NEMP2: variants seen among roughly 807,000 people sequenced by gnomAD.
NEMP2 encodes UPF0571 transmembrane protein.
Under a neutral mutation model 54.2 loss-of-function variants are expected in NEMP2, and 53 were observed. That is an observed-to-expected ratio of 0.98 (90% CI 0.78 to 1.23). NEMP2 has a LOEUF of 1.23. Ranked by LOEUF, NEMP2 falls within the 50% of genes most tolerant of loss-of-function variation. The pLI is 0.00. For synonymous variants in NEMP2, 197 were observed against 190.3 expected, an observed-to-expected ratio of 1.04 and a Z score of -0.29; for missense variants, 455 against 511.3, an observed-to-expected ratio of 0.89 and a Z score of 1.06.
the NEMP2 span, among the ~76,000 whole-genome samples, chr2:190,483,429 T>A: frequency 6.6e-6 from 1 of 152,232 alleles, no homozygotes; most frequent in South Asian, 2.1e-4. Flanking sequence ...TGCCTTGGTT[T>A]CCTTTTTGGA....
At position 190,534,664 on chromosome 2, in the gene NEMP2, G is replaced by A. The variant is rs1327709543; in HGVS notation, c.-9C>T. ...CCTTGGCGCGGCCCCATTTCGTTAGGGGTCAGCTCCGTGCGACCCGAGCCC... is the reference window on the plus strand; with the variant it reads ...CCTTGGCGCGGCCCCATTTCGTTAGAGGTCAGCTCCGTGCGACCCGAGCCC... On this transcript the variant is annotated 5_prime_UTR_variant, in exon 1 of 9. Coordinates refer to ENST00000409150, the MANE Select transcript of NEMP2 (RefSeq NM_001142645.2). The A allele has an allele frequency of 6.3e-6, 8 of 1,273,380 alleles. No homozygotes were observed. The highest frequency in any genetic ancestry group is 6.9e-6 in the Non-Finnish European group (7 of 1,010,220). The allele number at this position is 1,273,380 out of a possible 1,614,324, so 78.9% of individuals were successfully genotyped here.
At chr2:190,463,844 A>C in the NEMP2 span, 1 of 972,880 alleles carries the variant, frequency 1.0e-6, no homozygotes, top group Non-Finnish European at 1.2e-6. The surrounding 1 kb of genome is among the most constrained non-coding windows in gnomAD (Gnocchi z 4.4). Flanking sequence ...AAATAAAATA[A>C]AAATAAAAAG....
the NEMP2 span, among the ~76,000 whole-genome samples, chr2:190,546,898 G>A: frequency 0.011 from 1,717 of 152,312 alleles, 37 homozygotes; most frequent in African/African-American, 0.038. The surrounding 1 kb of genome is among the most constrained non-coding windows in gnomAD (Gnocchi z 5.1). Flanking sequence ...GACCCAGGCT[G>A]TTTTCAGCTT....
chr2:190,460,672 G>A, the NEMP2 span, among the ~76,000 whole-genome samples: 94 of 152,306 alleles, frequency 6.2e-4, no homozygotes, highest in South Asian at 1.2e-3. Flanking sequence ...TGTGAGGAGA[G>A]GCACGTGATG....
chr2:190,516,163 A>G (rs771468139), intron 6 of NEMP2, 107 bp downstream of exon 6: 4 of 740,336 alleles, frequency 5.4e-6, no homozygotes, highest in Non-Finnish European at 8.6e-6. Flanking sequence ...TCGTTAGTTC[A>G]AAATGAAAAT....
the NEMP2 span, chr2:190,437,355 C>T: frequency 6.2e-7 from 1 of 1,614,254 alleles, no homozygotes; most frequent in Non-Finnish European, 8.5e-7. This position sits in a 1 kb window ranked among gnomAD's most constrained non-coding sequence, Gnocchi z 5.9. Context: ...TCAAGCTGCT[C>T]TGCAGCGTGC....
At chr2:190,493,500 T>C in the NEMP2 span, among the ~76,000 whole-genome samples, 1 of 152,048 alleles carries the variant, frequency 6.6e-6, no homozygotes, top group Non-Finnish European at 1.5e-5. Context: ...AAAGAAACAA[T>C]GGATTTAAAC....
chr2:190,439,615 ATTAG>A, the NEMP2 span, among the ~76,000 whole-genome samples: 1 of 152,118 alleles, frequency 6.6e-6, no homozygotes, highest in Non-Finnish European at 1.5e-5. The surrounding 1 kb of genome is among the most constrained non-coding windows in gnomAD (Gnocchi z 5.8). Flanking sequence ...CCTGTGTAGT[ATTAG>A]TTACTCATCA....
chr2:190,585,571 C>A, the NEMP2 span, among the ~76,000 whole-genome samples: 1 of 152,184 alleles, frequency 6.6e-6, no homozygotes, highest in East Asian at 1.9e-4. This position sits in a 1 kb window ranked among gnomAD's most constrained non-coding sequence, Gnocchi z 5.3. Flanking sequence ...CATGTCATGC[C>A]CTTGGCTAGG....
At chr2:190,515,492 T>C (rs534657544) in intron 6 of NEMP2, among the ~76,000 whole-genome samples, 1 of 152,290 alleles carries the variant, frequency 6.6e-6, no homozygotes, top group South Asian at 2.1e-4. Flanking sequence ...GGGTAATAGA[T>C]GATTTTATGT....
the NEMP2 span, among the ~76,000 whole-genome samples, chr2:190,553,664 G>A: frequency 2.6e-5 from 4 of 152,186 alleles, no homozygotes; most frequent in South Asian, 4.1e-4. Flanking sequence ...CAAAATCTGC[G>A]TGTTGCTGAA....
the NEMP2 span, among the ~76,000 whole-genome samples, chr2:190,560,744 T>C: frequency 1.4e-4 from 22 of 152,212 alleles, no homozygotes; most frequent in African/African-American, 4.6e-4. This position sits in a 1 kb window ranked among gnomAD's most constrained non-coding sequence, Gnocchi z 5.4. Context: ...ATCGACTTAT[T>C]GTGCATTTGG....
At chr2:190,540,912 C>G in the NEMP2 span, among the ~76,000 whole-genome samples, 4 of 151,974 alleles carry the variant, frequency 2.6e-5, no homozygotes, top group Non-Finnish European at 5.9e-5. Context: ...CATTATTCAT[C>G]ATTGGTTTGG....
At chr2:190,480,944 A>C in the NEMP2 span, among the ~76,000 whole-genome samples, 1 of 152,260 alleles carries the variant, frequency 6.6e-6, no homozygotes, top group African/African-American at 2.4e-5. Context: ...TAAGGAGTTA[A>C]ACTTCAATTA....
intron 7 of NEMP2, among the ~76,000 whole-genome samples, chr2:190,511,992 A>T (rs921922567): frequency 1.1e-4 from 17 of 150,238 alleles, no homozygotes; most frequent in Non-Finnish European, 1.9e-4. Context: ...GTATATATAT[A>T]TTTTTTCTTG....
the NEMP2 span, chr2:190,608,844 A>G: frequency 6.6e-6 from 1 of 152,184 alleles, no homozygotes; most frequent in East Asian, 1.9e-4. This position sits in a 1 kb window ranked among gnomAD's most constrained non-coding sequence, Gnocchi z 4.9. Context: ...ATTATTAGTT[A>G]TTATTGTTAA....
the NEMP2 span, chr2:190,627,968 C>G: frequency 6.6e-6 from 1 of 152,398 alleles, no homozygotes; most frequent in Admixed American, 6.5e-5. This position sits in a 1 kb window ranked among gnomAD's most constrained non-coding sequence, Gnocchi z 4.4. Flanking sequence ...CTGCGCTCTT[C>G]CTCCTCCCGC....
At chr2:190,466,998 T>C in the NEMP2 span, among the ~76,000 whole-genome samples, 1 of 152,238 alleles carries the variant, frequency 6.6e-6, no homozygotes, top group African/African-American at 2.4e-5. Context: ...CCAGGAGTTT[T>C]GGACTATGGC....
chr2:190,467,185 A>G, the NEMP2 span, among the ~76,000 whole-genome samples: 2 of 152,200 alleles, frequency 1.3e-5, no homozygotes, highest in African/African-American at 2.4e-5. The surrounding 1 kb of genome is among the most constrained non-coding windows in gnomAD (Gnocchi z 5.5). Context: ...CTGGTTCTCC[A>G]CCCTGGCTCA....
Sources: gnomAD v4.1 joint callset for allele counts (sites outside exome capture counted in the v4.1 genomes callset) on GRCh38, gnomAD v4.1.1 for gene constraint, Gnocchi (gnomAD v3.1) non-coding constraint, MANE v1.5 for transcripts, NCBI Gene and HGNC (gene_info 2026-07-23, HGNC 2026-07-21) for gene names.